The following TXNDC9 variants were observed in gnomAD, a reference collection of about 807,000 sequenced individuals.
TXNDC9 encodes thioredoxin domain-containing protein 9.
TXNDC9 carries 7 observed loss-of-function variants against 23.0 expected under a neutral mutation model. That is an observed-to-expected ratio of 0.30 (90% CI 0.17 to 0.57). The LOEUF is 0.57. TXNDC9 is among the 20% of genes least tolerant of loss of function. The probability of loss-of-function intolerance (pLI) is 0.90; values close to 1 mark genes in which losing one functional copy is unlikely to be tolerated. For synonymous variants in TXNDC9, 72 were observed against 90.6 expected, an observed-to-expected ratio of 0.79 and a Z score of 1.17; for missense variants, 198 against 252.6, an observed-to-expected ratio of 0.78 and a Z score of 1.47.
intron 3 of TXNDC9, among the ~76,000 whole-genome samples, chr2:99,323,243 C>G (rs1216325600): frequency 6.6e-6 from 1 of 151,670 alleles, no homozygotes; most frequent in Non-Finnish European, 1.5e-5. Context: ...CCTGTCTCTA[C>G]TAAAAATACA....
At chr2:99,334,108 T>C (rs1213020739) in intron 1 of TXNDC9, among the ~76,000 whole-genome samples, 2 of 152,210 alleles carry the variant, frequency 1.3e-5, no homozygotes, top group South Asian at 2.1e-4. Context: ...CCCAGCACTT[T>C]GGGAGGCCAA....
At chr2:99,326,602 G>C (rs750489797) in intron 3 of TXNDC9, among the ~76,000 whole-genome samples, 17 of 152,308 alleles carry the variant, frequency 1.1e-4, no homozygotes, top group Admixed American at 3.3e-4. Context: ...AACCACAAAG[G>C]CTTGGGTCCT....
In TXNDC9 at chr2:99,324,976, C is replaced by T. The variant is rs183444150; in HGVS notation, c.308+2559G>A. Among the ~76,000 whole-genome samples, 52 of 152,324 alleles carry T rather than the reference C, an allele frequency of 3.4e-4. No individual in the cohort carries two copies. In the East Asian group the frequency reaches 9.8e-3, roughly 29 times the overall value. On this transcript the variant is annotated intron_variant, in intron 3 of 4. Coordinates refer to ENST00000264255, the MANE Select transcript of TXNDC9 (RefSeq NM_005783.4). ...GGCCAGGATGGCCTTGATCTCCTGA[C>T]CTCATGATCCACCTGCCTCAGCCTC...
chr2:99,316,184 AAAC>A (rs371112238), downstream of TXNDC9, among the ~76,000 whole-genome samples: 4 of 152,130 alleles, frequency 2.6e-5, no homozygotes, highest in African/African-American at 9.6e-5. Flanking sequence ...CAAAAACAAA[AAAC>A]AAAATAGAGA....
chr2:99,322,444 T>A (rs893143518), intron 3 of TXNDC9: 112 of 1,283,514 alleles, frequency 8.7e-5, no homozygotes, highest in Non-Finnish European at 1.1e-4. Flanking sequence ...ATTAATGATA[T>A]TCTCTTTTAA....
intron 4 of TXNDC9, 47 bp from the exon 5 acceptor site, chr2:99,319,846 T>C (rs774258293): frequency 3.5e-6 from 4 of 1,130,288 alleles, no homozygotes; most frequent in Non-Finnish European, 5.1e-6. Context: ...TTAGTACTAG[T>C]ATACTAAACT....
rs533347998 is a variant in TXNDC9 at position 99,336,307 on chromosome 2, T to G, written c.-101A>C. The G allele has an allele frequency of 2.0e-6, 2 of 985,398 alleles. No individual in the cohort carries two copies. The highest frequency in any genetic ancestry group is 2.4e-6 in the Non-Finnish European group (2 of 830,004). 61.0% of individuals were successfully genotyped at this position (985,398 alleles called of 1,614,324 possible). A position where few individuals can be genotyped will look rare whatever the true frequency, so the allele number is the denominator to read the frequency against. On this transcript the variant is annotated 5_prime_UTR_variant, in exon 1 of 5. Transcript: ENST00000264255. ...CAAAAGACACGTCCACTCCGGCTTT[T>G]GCCTTGCAGTAGCTGCCGGCGGCTG...
downstream of TXNDC9, chr2:99,318,902 G>T (rs1234200875): frequency 6.6e-6 from 1 of 152,244 alleles, no homozygotes; most frequent in African/African-American, 2.4e-5. Context: ...CCAGGATTGG[G>T]AACTGGAGAG....
chr2:99,323,188 C>A (rs1012518941), intron 3 of TXNDC9, among the ~76,000 whole-genome samples: 13 of 152,048 alleles, frequency 8.5e-5, no homozygotes, highest in African/African-American at 3.1e-4. Flanking sequence ...AGGCGGATCA[C>A]TTGAAGTCAG....
the TXNDC9 span, among the ~76,000 whole-genome samples, chr2:99,308,886 T>C: frequency 6.6e-6 from 1 of 151,874 alleles, no homozygotes; most frequent in Non-Finnish European, 1.5e-5. Flanking sequence ...TAATTTTTAG[T>C]GGAGACGGGG....
intron 4 of TXNDC9, among the ~76,000 whole-genome samples, chr2:99,320,235 T>G (rs1000014715): frequency 6.6e-6 from 1 of 152,188 alleles, no homozygotes; most frequent in Non-Finnish European, 1.5e-5. Flanking sequence ...CTTGAACTCT[T>G]AGGCTCAAGC....
Position 99,319,203 on chromosome 2 carries a change from T to TC in TXNDC9, c.*478dup, listed in dbSNP as rs2105317905. On this transcript the variant is annotated 3_prime_UTR_variant, in exon 5 of 5. Transcript: ENST00000264255. ...TCTGCTGGCATCAGTTGATTCAACA[T>TC]CAACATGCAGTGTCCAGAATGAATA... The TC allele has an allele frequency of 6.6e-6, 1 of 152,532 alleles. No homozygotes were observed. The highest frequency in any genetic ancestry group is 1.5e-5 in the Non-Finnish European group (1 of 68,162). The allele number at this position is 152,532 out of a possible 1,614,324, so 9.4% of individuals were successfully genotyped here.
downstream of TXNDC9, among the ~76,000 whole-genome samples, chr2:99,314,101 C>G (rs2094183248): frequency 6.6e-6 from 1 of 152,114 alleles, no homozygotes; most frequent in Non-Finnish European, 1.5e-5. Flanking sequence ...GCACTGATTG[C>G]TCTGCGGAAT....
At chr2:99,306,756 G>A in the TXNDC9 span, 25 of 442,720 alleles carry the variant, frequency 5.6e-5, no homozygotes, top group African/African-American at 5.1e-4. Context: ...CAGAACAGGG[G>A]CCAGCAACCT....
At chr2:99,311,894 T>C in the TXNDC9 span, among the ~76,000 whole-genome samples, 2 of 152,250 alleles carry the variant, frequency 1.3e-5, no homozygotes, top group African/African-American at 2.4e-5. Context: ...CAAAATTATT[T>C]GTCAGTTGGT....
chr2:99,315,551 C>G (rs2094187336), downstream of TXNDC9, among the ~76,000 whole-genome samples: 1 of 152,108 alleles, frequency 6.6e-6, no homozygotes, highest in Non-Finnish European at 1.5e-5. Context: ...ATCTATTTTT[C>G]TTTTGTGACT....
chr2:99,308,956 C>G, the TXNDC9 span, among the ~76,000 whole-genome samples: 1 of 151,886 alleles, frequency 6.6e-6, no homozygotes, highest in Non-Finnish European at 1.5e-5. Flanking sequence ...CCCGCCTCGG[C>G]CTCCCATAGT....
intron 3 of TXNDC9, among the ~76,000 whole-genome samples, chr2:99,325,269 A>G (rs928985929): frequency 6.6e-6 from 1 of 152,170 alleles, no homozygotes; most frequent in Non-Finnish European, 1.5e-5. Context: ...ACTACCCACA[A>G]AAGTTAAAAA....
chr2:99,310,572 G>A, the TXNDC9 span, among the ~76,000 whole-genome samples: 1 of 152,152 alleles, frequency 6.6e-6, no homozygotes, highest in African/African-American at 2.4e-5. Context: ...CATGGCAGAG[G>A]AGACTCCAGT....
Sources: gnomAD v4.1 joint callset for allele counts (sites outside exome capture counted in the v4.1 genomes callset) on GRCh38, gnomAD v4.1.1 for gene constraint, MANE v1.5 for transcripts, NCBI Gene and HGNC (gene_info 2026-07-23, HGNC 2026-07-21) for gene names.